RSBN1L: variants seen among roughly 807,000 people sequenced by gnomAD.
The protein encoded by RSBN1L is round spermatid basic protein 1 like.
In RSBN1L, 30 loss-of-function variants were observed where a neutral mutation model predicts 67.7. The observed-to-expected ratio is 0.44, with a 90% confidence interval of 0.33 to 0.60. RSBN1L has a LOEUF of 0.60. Ranked by LOEUF, RSBN1L falls within the 20% of genes least tolerant of loss-of-function variation. The probability of loss-of-function intolerance (pLI) is 0.02; values close to 1 mark genes in which losing one functional copy is unlikely to be tolerated. For missense variants in RSBN1L, 992 were observed against 1,031.7 expected (o/e 0.96, Z 0.53); for synonymous variants, 433 against 387.0 (o/e 1.12, Z -1.39).
Position 77,696,830 on chromosome 7 carries a change from T to C in RSBN1L, c.361T>C (p.Ser121Pro). 2 of 1,613,438 alleles carry C rather than the reference T, an allele frequency of 1.2e-6. No homozygotes were observed. The highest frequency in any genetic ancestry group is 1.7e-6 in the Non-Finnish European group (2 of 1,179,956). The change falls in exon 1 of 8, where the codon TCT becomes CCT. Residue 121 changes from serine (S) to proline (P), a missense_variant. Transcript: ENST00000334955. ...AVPSSASASL[S>P]QPVPRKLLVP... The stretch of plus-strand genomic sequence containing the variant: ...TCCCTCCTCAGCCTCCGCTTCCTTG[T>C]CTCAGCCGGTGCCGCGCAAACTGCT...
At chr7:77,721,612 C>T (rs953281497) in intron 1 of RSBN1L, among the ~76,000 whole-genome samples, 1 of 152,070 alleles carries the variant, frequency 6.6e-6, no homozygotes, top group African/African-American at 2.4e-5. Context: ...GATGGGCAAT[C>T]GCATTTTAGC....
In RSBN1L at chr7:77,779,366, G is replaced by A. The variant is rs1791964040; in HGVS notation, c.*198G>A. 1.2e-5 allele frequency: 5 copies of A among 415,098 alleles called. No homozygotes were observed. Among genetic ancestry groups the A allele is most frequent in the Non-Finnish European group, 2.2e-5 (5 of 231,088 alleles). The allele number at this position is 415,098 out of a possible 1,614,324, so 25.7% of individuals were successfully genotyped here. A position where few individuals can be genotyped will look rare whatever the true frequency, so the allele number is the denominator to read the frequency against. ...GGCCAGATGCACTGTAAACATTGCA[G>A]GTTTAAACATAAAGGAGTCTTTAAA... On this transcript the variant is annotated 3_prime_UTR_variant, in exon 8 of 8. Coordinates refer to ENST00000334955, the MANE Select transcript of RSBN1L (RefSeq NM_198467.3).
intron 3 of RSBN1L, chr7:77,759,570 C>T (rs1791670781): frequency 6.6e-6 from 1 of 152,072 alleles, no homozygotes; most frequent in Non-Finnish European, 1.5e-5. Flanking sequence ...GGACTCTCCT[C>T]CCCACCCGCT....
intron 1 of RSBN1L, among the ~76,000 whole-genome samples, chr7:77,703,724 G>T (rs1031030681): frequency 1.3e-5 from 2 of 151,958 alleles, no homozygotes; most frequent in South Asian, 4.1e-4. Flanking sequence ...CTAACCTCAG[G>T]TGATCTGCCT....
chr7:77,741,026 A>T (rs1584290750), intron 2 of RSBN1L, among the ~76,000 whole-genome samples: 1 of 129,024 alleles, frequency 7.8e-6, no homozygotes, highest in Non-Finnish European at 1.6e-5. Context: ...TCACTGTGAT[A>T]CCCAGTCTGG....
intron 1 of RSBN1L, among the ~76,000 whole-genome samples, chr7:77,711,275 G>GTT (rs1746862677): frequency 6.7e-6 from 1 of 150,312 alleles, no homozygotes; most frequent in Non-Finnish European, 1.5e-5. Context: ...ACTGCACATA[G>GTT]TTGAAACTTA....
intron 2 of RSBN1L, 41 bp downstream of exon 2, chr7:77,736,567 T>G (rs1174299413): frequency 9.0e-7 from 1 of 1,117,270 alleles, no homozygotes; most frequent in Non-Finnish European, 1.2e-6. Context: ...TTTATTATAC[T>G]GTTCAGTATC....
intron 5 of RSBN1L, among the ~76,000 whole-genome samples, chr7:77,769,083 C>G (rs913968770): frequency 6.6e-6 from 1 of 152,140 alleles, no homozygotes; most frequent in Non-Finnish European, 1.5e-5. Context: ...AGAACCTATA[C>G]TAAGAAGACT....
intron 3 of RSBN1L, among the ~76,000 whole-genome samples, chr7:77,761,156 A>G (rs1016178468): frequency 6.6e-6 from 1 of 152,224 alleles, no homozygotes; most frequent in African/African-American, 2.4e-5. Flanking sequence ...TGCTGAACAT[A>G]TGCAACATAA....
intron 1 of RSBN1L, among the ~76,000 whole-genome samples, chr7:77,699,951 C>T (rs989226329): frequency 2.6e-5 from 4 of 152,098 alleles, no homozygotes; most frequent in African/African-American, 4.8e-5. Context: ...CACTCGCCAA[C>T]ACGCCTGGCT....
chr7:77,778,213 T>G (rs1791944223), intron 6 of RSBN1L, 125 bp from the exon 7 acceptor site: 1 of 593,326 alleles, frequency 1.7e-6, no homozygotes, highest in Non-Finnish European at 2.9e-6. Flanking sequence ...CAATTAACAG[T>G]TTAACTTTAT....
intron 2 of RSBN1L, among the ~76,000 whole-genome samples, chr7:77,743,312 C>T (rs1791439083): frequency 6.6e-6 from 1 of 151,948 alleles, no homozygotes; most frequent in Non-Finnish European, 1.5e-5. Context: ...GTCTAAGAAT[C>T]TCTTGGCCAG....
intron 1 of RSBN1L, among the ~76,000 whole-genome samples, chr7:77,728,011 C>T (rs1791229248): frequency 6.6e-6 from 1 of 152,098 alleles, no homozygotes; most frequent in African/African-American, 2.4e-5. Flanking sequence ...GAAAATTTGT[C>T]AGGTCCCCCT....
At chr7:77,701,082 G>A (rs1294835977) in intron 1 of RSBN1L, among the ~76,000 whole-genome samples, 4 of 145,892 alleles carry the variant, frequency 2.7e-5, no homozygotes, top group Non-Finnish European at 6.0e-5. Context: ...AACCCAGGAG[G>A]CGGAGGTTAC....
At chr7:77,704,315 C>T (rs1475659857) in intron 1 of RSBN1L, among the ~76,000 whole-genome samples, 7 of 152,056 alleles carry the variant, frequency 4.6e-5, no homozygotes, top group African/African-American at 1.4e-4. Context: ...TTAAACTTTT[C>T]AAGTAATGGA....
chr7:77,746,152 G>A lies in RSBN1L; in HGVS notation c.704-3272G>A, dbSNP rs574368327. On this transcript the variant is annotated intron_variant, in intron 2 of 7. Transcript: ENST00000334955. ...AAGGATAGTGTATTAGTCCATTTTC[G>A]CACTTCTATAAAGAAGTACCCGAGA... 1.8e-3 allele frequency among the ~76,000 whole-genome samples: 271 copies of A among 152,184 alleles called. 1 individual carries two copies. The highest frequency in any genetic ancestry group is 3.4e-3 in the Admixed American group (52 of 15,284).
intron 1 of RSBN1L, among the ~76,000 whole-genome samples, chr7:77,697,932 A>G (rs1331426345): frequency 6.6e-6 from 1 of 152,258 alleles, no homozygotes; most frequent in Admixed American, 6.5e-5. Context: ...ATAGTGCAAC[A>G]TACGGACTAG....
intron 1 of RSBN1L, among the ~76,000 whole-genome samples, chr7:77,704,409 T>G (rs1413257438): frequency 6.6e-6 from 1 of 152,216 alleles, no homozygotes; most frequent in African/African-American, 2.4e-5. Context: ...ACATTAAACT[T>G]TATGTTGTAT....
intron 3 of RSBN1L, among the ~76,000 whole-genome samples, chr7:77,752,291 C>A (rs1791565355): frequency 1.3e-5 from 2 of 152,296 alleles, no homozygotes; most frequent in South Asian, 4.1e-4. Context: ...GTGTGATCTG[C>A]TACCCTGGTG....
Sources: gnomAD v4.1 joint callset for allele counts (sites outside exome capture counted in the v4.1 genomes callset) on GRCh38, gnomAD v4.1.1 for gene constraint, MANE v1.5 for transcripts, NCBI Gene and HGNC (gene_info 2026-07-23, HGNC 2026-07-21) for gene names.